The following RPN1 variants were observed in gnomAD, a reference collection of about 807,000 sequenced individuals.
The protein encoded by RPN1 is dolichyl-diphosphooligosaccharide--protein glycosyltransferase subunit 1.
Under a neutral mutation model 55.5 loss-of-function variants are expected in RPN1, and 12 were observed. The ratio of observed to expected loss-of-function variants is 0.22; its 90% confidence interval spans 0.14 to 0.35. The LOEUF is 0.35. Among genes scored for constraint, RPN1 ranks in the 10% least tolerant of loss-of-function variants. The pLI, the probability that RPN1 is intolerant of heterozygous loss-of-function variation, is 1.00. For synonymous variants in RPN1, 317 were observed against 305.9 expected (o/e 1.04, Z -0.38); for missense variants, 679 against 761.3 (o/e 0.89, Z 1.27).
intron 3 of RPN1, among the ~76,000 whole-genome samples, chr3:128,633,296 GC>G (rs1346001934): frequency 6.6e-6 from 1 of 151,460 alleles, no homozygotes; most frequent in African/African-American, 2.4e-5. Flanking sequence ...CACAATCTTG[GC>G]TCAATGCAGT....
At chr3:128,640,327 G>A (rs1319670194) in intron 2 of RPN1, among the ~76,000 whole-genome samples, 2 of 152,140 alleles carry the variant, frequency 1.3e-5, no homozygotes, top group African/African-American at 2.4e-5. Flanking sequence ...CAATGAGTTT[G>A]TCCTCAAAGG....
intron 8 of RPN1, among the ~76,000 whole-genome samples, chr3:128,624,327 A>C (rs913771066): frequency 1.3e-5 from 2 of 152,054 alleles, no homozygotes; most frequent in Admixed American, 6.6e-5. Flanking sequence ...AAAAATACAA[A>C]AAATTAGCCG....
Position 128,625,535 on chromosome 3 carries a change from T to C in RPN1, c.1394A>G (p.Lys465Arg), listed in dbSNP as rs146757242. ...GCAGGAAGAAGGCAGAGACGGTACC[T>C]TGGTGATGGAGAAGTCCAGCCGAAC... ...IYVRLDFSIT[K>R]DPAAEARMKV... The change falls in exon 8 of 10, where the codon AAG (lysine) becomes AGG (arginine). Residue 465 changes from lysine to arginine, a missense_variant and splice_region_variant. Physicochemically the swap from Lys to Arg is conservative, Grantham distance 26. This residue lies in a region of RPN1 where 306 missense variants were observed against 360.0 expected (regional missense o/e 0.85). Coordinates refer to ENST00000296255, the MANE Select transcript of RPN1 (RefSeq NM_002950.4). The C allele has an allele frequency of 7.0e-4, 1,128 of 1,613,576 alleles. 10 individuals are homozygous for C. In the African/African-American group the frequency reaches 0.013, roughly 19 times the overall value.
chr3:128,645,971 G>A (rs981208546), intron 1 of RPN1, among the ~76,000 whole-genome samples: 1 of 152,090 alleles, frequency 6.6e-6, no homozygotes, highest in Admixed American at 6.6e-5. Context: ...AGGGCTGGGC[G>A]CAGTGGCTCA....
chr3:128,623,938 T>TA (rs2069579295), intron 8 of RPN1, among the ~76,000 whole-genome samples: 1 of 151,748 alleles, frequency 6.6e-6, no homozygotes, highest in Non-Finnish European at 1.5e-5. Flanking sequence ...TATTCAAGGG[T>TA]AAAGGGGCAC....
At chr3:128,639,400 G>A (rs1435288598) in intron 2 of RPN1, among the ~76,000 whole-genome samples, 1 of 149,384 alleles carries the variant, frequency 6.7e-6, no homozygotes, top group South Asian at 2.1e-4. Context: ...CTTGCAGTGC[G>A]CCGAGATCGT....
chr3:128,649,325 T>G (rs534015180), intron 1 of RPN1, among the ~76,000 whole-genome samples: 3 of 152,214 alleles, frequency 2.0e-5, no homozygotes, highest in African/African-American at 4.8e-5. Context: ...CCACTTATAC[T>G]GTAACAAGCT....
chr3:128,649,160 G>A (rs1013357909), intron 1 of RPN1, among the ~76,000 whole-genome samples: 1 of 152,192 alleles, frequency 6.6e-6, no homozygotes, highest in South Asian at 2.1e-4. Context: ...GGTTACACCA[G>A]TGTATACGTA....
Position 128,630,162 on chromosome 3 carries a change from G to A in RPN1, c.844-19C>T, listed in dbSNP as rs754744513. 35 of 1,579,244 alleles carry A rather than the reference G, an allele frequency of 2.2e-5. No homozygotes were observed. The highest frequency in any genetic ancestry group is 3.8e-4 in the Middle Eastern group (2 of 5,226). ...GGATGGTCTGCAAGAGAGTGGATAT[G>A]CCCTTCTAAAACTCCAGGAACCAGC... On this transcript the variant is annotated intron_variant, in intron 4 of 9. Coordinates refer to ENST00000296255, the MANE Select transcript of RPN1 (RefSeq NM_002950.4).
intron 2 of RPN1, chr3:128,644,374 G>A (rs369924128): frequency 1.8e-4 from 40 of 223,574 alleles, no homozygotes; most frequent in African/African-American, 9.0e-4. Flanking sequence ...CCTCGGTGGG[G>A]CGTAATGGAC....
chr3:128,639,311 G>T (rs1393254189), intron 2 of RPN1, among the ~76,000 whole-genome samples: 1 of 151,878 alleles, frequency 6.6e-6, no homozygotes, highest in Non-Finnish European at 1.5e-5. Flanking sequence ...AAAAATAGCC[G>T]GGCGTTGTGG....
chr3:128,647,878 G>A (rs377293340), intron 1 of RPN1, among the ~76,000 whole-genome samples: 1 of 152,060 alleles, frequency 6.6e-6, no homozygotes, highest in Non-Finnish European at 1.5e-5. Flanking sequence ...GTCCTTGGTG[G>A]TAAAAAGAGA....
intron 3 of RPN1, among the ~76,000 whole-genome samples, chr3:128,633,031 G>A (rs1371277023): frequency 2.6e-5 from 4 of 152,014 alleles, no homozygotes; most frequent in Admixed American, 6.6e-5. Flanking sequence ...TAGTTTATTC[G>A]CTAGTTTATT....
At chr3:128,627,345 G>A (rs1339544385) in intron 5 of RPN1, 1 of 156,802 alleles carries the variant, frequency 6.4e-6, no homozygotes, top group Non-Finnish European at 1.4e-5. Context: ...AAATGAACAT[G>A]ATAGGGACAA....
At chr3:128,621,171 C>T (rs1340962315) in intron 9 of RPN1, among the ~76,000 whole-genome samples, 1 of 152,192 alleles carries the variant, frequency 6.6e-6, no homozygotes, top group Non-Finnish European at 1.5e-5. Flanking sequence ...TCCACAGATG[C>T]TGACATATAA....
At chr3:128,633,069 A>G (rs1560022778) in intron 3 of RPN1, among the ~76,000 whole-genome samples, 1 of 152,202 alleles carries the variant, frequency 6.6e-6, no homozygotes, top group Non-Finnish European at 1.5e-5. Context: ...GATTTTTAAA[A>G]CTACAATTCA....
intron 5 of RPN1, chr3:128,627,153 TAG>T (rs1275308486): frequency 3.0e-6 from 1 of 332,556 alleles, no homozygotes; most frequent in African/African-American, 2.1e-5. Context: ...CGGGATTCCC[TAG>T]AGAGCACAGC....
intron 9 of RPN1, 42 bp downstream of exon 9, chr3:128,622,122 G>A: frequency 6.2e-7 from 1 of 1,605,396 alleles, no homozygotes; most frequent in Non-Finnish European, 8.5e-7. Context: ...GTGAGGCATG[G>A]AGGGCCCCAA....
chr3:128,632,332 G>T (rs2069648250), intron 3 of RPN1, among the ~76,000 whole-genome samples, 175 bp from the exon 4 acceptor site: 1 of 152,030 alleles, frequency 6.6e-6, no homozygotes, highest in East Asian at 1.9e-4. Flanking sequence ...GCTAACATAT[G>T]GGAATAAATA....
Sources: allele counts gnomAD v4.1 joint callset (sites outside exome capture counted in the v4.1 genomes callset), GRCh38; gene constraint gnomAD v4.1.1; regional missense constraint gnomAD v4.1.1; transcripts MANE v1.5; gene names NCBI Gene and HGNC (gene_info 2026-07-23, HGNC 2026-07-21).